TMPRSS11F: variants seen among roughly 807,000 people sequenced by gnomAD.
The protein encoded by TMPRSS11F is transmembrane protease serine 11F.
In TMPRSS11F, 47 loss-of-function variants were observed where a neutral mutation model predicts 60.2. That is an observed-to-expected ratio of 0.78 (90% CI 0.62 to 1.00). The LOEUF is 1.00. Among genes scored for constraint, TMPRSS11F ranks in the 50% least tolerant of loss-of-function variants. TMPRSS11F has a pLI of 0.00. For synonymous variants in TMPRSS11F, 166 were observed against 167.3 expected, an observed-to-expected ratio of 0.99 and a Z score of 0.06; for missense variants, 519 against 522.9, an observed-to-expected ratio of 0.99 and a Z score of 0.07.
intron 3 of TMPRSS11F, among the ~76,000 whole-genome samples, chr4:68,076,001 G>T (rs113204747): frequency 8.2e-6 from 1 of 122,120 alleles, no homozygotes; most frequent in Non-Finnish European, 1.8e-5. Context: ...TCCAAAAAAA[G>T]AAAAAAAAAA....
intron 1 of TMPRSS11F, among the ~76,000 whole-genome samples, chr4:68,099,827 G>A (rs944956519): frequency 1.3e-5 from 2 of 152,100 alleles, no homozygotes; most frequent in African/African-American, 4.8e-5. Context: ...ATCCCTAAAT[G>A]TATACAGATT....
At chr4:68,128,393 C>T (rs1411383368) in intron 1 of TMPRSS11F, among the ~76,000 whole-genome samples, 1 of 151,810 alleles carries the variant, frequency 6.6e-6, no homozygotes, top group African/African-American at 2.4e-5. Flanking sequence ...TGCTATGTAC[C>T]CCATAAATAC....
chr4:68,072,543 C>G, intron 4 of TMPRSS11F, 57 bp from the exon 5 acceptor site: 1 of 1,305,714 alleles, frequency 7.7e-7, no homozygotes. Context: ...ATGACTTTAA[C>G]TTATTAGGAC....
At chr4:68,068,919 T>A in intron 6 of TMPRSS11F, 100 bp from the exon 7 acceptor site, 1 of 1,214,454 alleles carries the variant, frequency 8.2e-7, no homozygotes. Flanking sequence ...CCTGCTACCA[T>A]GTGAACCATT....
At chr4:68,083,427 G>A (rs747846848) in intron 3 of TMPRSS11F, among the ~76,000 whole-genome samples, 1 of 152,086 alleles carries the variant, frequency 6.6e-6, no homozygotes, top group Non-Finnish European at 1.5e-5. Flanking sequence ...CAAGAGCAGG[G>A]CAGCTAACAG....
chr4:68,094,099 CAT>C, intron 2 of TMPRSS11F, among the ~76,000 whole-genome samples: 1 of 128,498 alleles, frequency 7.8e-6, no homozygotes, highest in East Asian at 2.2e-4. Flanking sequence ...CACATGCACA[CAT>C]ATGTTTATTG....
chr4:68,117,441 C>T (rs1724548737), intron 1 of TMPRSS11F, among the ~76,000 whole-genome samples: 1 of 125,464 alleles, frequency 8.0e-6, no homozygotes, highest in South Asian at 2.8e-4. Flanking sequence ...GCACTCCAGC[C>T]TGGGTGACAG....
chr4:68,063,253 C>T (rs1473770916), intron 8 of TMPRSS11F: 2 of 571,398 alleles, frequency 3.5e-6, no homozygotes, highest in East Asian at 9.4e-5. Flanking sequence ...GTTCTCTCTC[C>T]ACCTTCAATC....
intron 3 of TMPRSS11F, among the ~76,000 whole-genome samples, chr4:68,085,085 T>C (rs1322572764): frequency 7.7e-6 from 1 of 130,218 alleles, no homozygotes; most frequent in Admixed American, 8.2e-5. Flanking sequence ...TATGGCTGCA[T>C]AGTATTCCAT....
chr4:68,065,889 G>A (rs1392874306), intron 7 of TMPRSS11F, among the ~76,000 whole-genome samples: 5 of 152,090 alleles, frequency 3.3e-5, no homozygotes, highest in Non-Finnish European at 4.4e-5. Context: ...AGGCCAAGGC[G>A]GGTAGACCAT....
intron 1 of TMPRSS11F, among the ~76,000 whole-genome samples, chr4:68,121,572 G>A (rs4593187): frequency 0.31 from 47,208 of 151,892 alleles, 7,479 homozygotes; most frequent in East Asian, 0.49. Flanking sequence ...TGCTATGGTT[G>A]TGCAGTTTCT....
At chr4:68,066,687 GCA>G (rs1029621130) in intron 7 of TMPRSS11F, among the ~76,000 whole-genome samples, 8 of 152,168 alleles carry the variant, frequency 5.3e-5, no homozygotes, top group African/African-American at 1.9e-4. Context: ...TATAATCCCA[GCA>G]CTATGGGAGG....
intron 1 of TMPRSS11F, among the ~76,000 whole-genome samples, chr4:68,127,620 T>A (rs1724739304): frequency 6.6e-6 from 1 of 152,118 alleles, no homozygotes; most frequent in Non-Finnish European, 1.5e-5. Context: ...CAAAAGGACT[T>A]CAGGGCTATC....
intron 1 of TMPRSS11F, among the ~76,000 whole-genome samples, chr4:68,108,933 T>C (rs1724354709): frequency 6.6e-6 from 1 of 152,156 alleles, no homozygotes; most frequent in Non-Finnish European, 1.5e-5. Context: ...AACTTACAAT[T>C]AATCCACTTC....
rs1181779160 is a variant in TMPRSS11F at position 68,099,029 on chromosome 4, T to G, written c.21A>C (p.Glu7Asp). 3 of 1,612,546 alleles carry G rather than the reference T, an allele frequency of 1.9e-6. No homozygotes were observed. The highest frequency in any genetic ancestry group is 8.5e-7 in the Non-Finnish European group (1 of 1,179,268). The change falls in exon 2 of 10, where the codon GAA (glutamate) becomes GAC (aspartate). Residue 7 changes from glutamate to aspartate, a missense_variant. Coordinates refer to ENST00000356291, the MANE Select transcript of TMPRSS11F (RefSeq NM_207407.2). MMYAPV[E>D]FSEAEFSRAE... ...CTCGTGAGAATTCAGCTTCTGAAAA[T>G]TCAACAGGTCTGTGATAACAGAAAG...
chr4:68,057,276 C>G (rs1457232573), intron 9 of TMPRSS11F, among the ~76,000 whole-genome samples: 3 of 134,250 alleles, frequency 2.2e-5, no homozygotes, highest in Non-Finnish European at 4.6e-5. Context: ...CAAAGCGAGA[C>G]TGTCTCAAAA....
chr4:68,114,484 T>C (rs755558836), intron 1 of TMPRSS11F, among the ~76,000 whole-genome samples: 1 of 152,076 alleles, frequency 6.6e-6, no homozygotes, highest in African/African-American at 2.4e-5. Context: ...ATAAATCTTT[T>C]TGAAATACAA....
At chr4:68,092,786 C>T (rs1327833507) in intron 2 of TMPRSS11F, among the ~76,000 whole-genome samples, 2 of 152,096 alleles carry the variant, frequency 1.3e-5, no homozygotes, top group Non-Finnish European at 2.9e-5. Flanking sequence ...TTATCATATA[C>T]ATATCCCTAT....
In TMPRSS11F at chr4:68,068,727, C is replaced by T. The variant is rs1364602286; in HGVS notation, c.646G>A (p.Gly216Arg). Reference sequence around the variant, plus strand: ...AGGCTGGCCTGCCATGGCCATTCCCCTTCCATAGCTGTTTCCCTTCCTTGG... The same window carrying T: ...AGGCTGGCCTGCCATGGCCATTCCCTTTCCATAGCTGTTTCCCTTCCTTGG... Reference protein sequence around the residue: ...IVQGRETAMEGEWPWQASLQL... With the variant: ...IVQGRETAMEREWPWQASLQL... Residue 216 changes from glycine (G) to arginine (R), a missense_variant, in exon 7 of 10, where the codon GGG becomes AGG. Coordinates refer to ENST00000356291, the MANE Select transcript of TMPRSS11F (RefSeq NM_207407.2). 1.2e-6 allele frequency: 2 copies of T among 1,614,088 alleles called. No homozygotes were observed. Among genetic ancestry groups the T allele is most frequent in the African/African-American group, 1.3e-5 (1 of 74,924 alleles).
Sources: allele counts gnomAD v4.1 joint callset (sites outside exome capture counted in the v4.1 genomes callset), GRCh38; gene constraint gnomAD v4.1.1; transcripts MANE v1.5; gene names NCBI Gene and HGNC (gene_info 2026-07-23, HGNC 2026-07-21).